BBS9: variants seen among roughly 807,000 people sequenced by gnomAD.
BBS9 encodes the protein protein PTHB1.
A neutral mutation model predicts 117.7 loss-of-function variants in BBS9; 89 were observed. The observed-to-expected ratio is 0.76, with a 90% CI of 0.64 to 0.90. The LOEUF (loss-of-function observed/expected upper bound fraction) is 0.90, where lower values mean the gene tolerates loss of function less well. Ranked by LOEUF, BBS9 falls within the 40% of genes least tolerant of loss-of-function variation. BBS9 has a pLI of 0.00. For missense variants in BBS9, 982 were observed against 1,042.2 expected (o/e 0.94, Z 0.80); for synonymous variants, 379 against 370.9 (o/e 1.02, Z -0.25).
intron 19 of BBS9, among the ~76,000 whole-genome samples, chr7:33,477,796 G>A (rs191164870): frequency 6.6e-6 from 1 of 152,270 alleles, no homozygotes; most frequent in African/African-American, 2.4e-5. Flanking sequence ...GCTTCTAGAA[G>A]GGGTTAACTA....
At chr7:33,512,136 G>A (rs1257265586) in intron 20 of BBS9, among the ~76,000 whole-genome samples, 4 of 152,168 alleles carry the variant, frequency 2.6e-5, no homozygotes, top group Non-Finnish European at 4.4e-5. Context: ...CATACCCTGT[G>A]TTGCTGCTAG....
intron 21 of BBS9, among the ~76,000 whole-genome samples, chr7:33,565,629 G>A (rs1373804983): frequency 6.6e-6 from 1 of 151,342 alleles, no homozygotes; most frequent in East Asian, 1.9e-4. Context: ...TGTGGGTATT[G>A]TCTTGCCAGT....
chr7:33,207,218 C>A (rs1380196316), intron 5 of BBS9, among the ~76,000 whole-genome samples: 1 of 152,096 alleles, frequency 6.6e-6, no homozygotes, highest in Non-Finnish European at 1.5e-5. Flanking sequence ...TGCTTTTCAT[C>A]AACATTCCCC....
rs1245076298 is a variant in BBS9 at position 33,512,422 on chromosome 7, CAAAT to C, written c.2298+6781_2298+6784del. On this transcript the variant is annotated intron_variant, in intron 20 of 22. Transcript: ENST00000242067. ...TTTTAAAATAAGGAGACTAAAAAAA[CAAAT>C]AAAGAATTAATTGAAGCATCACTTT... Among the ~76,000 whole-genome samples, 73 of 152,114 alleles carry C rather than the reference CAAAT, an allele frequency of 4.8e-4. 1 individual carries two copies. The highest frequency in any genetic ancestry group is 2.1e-4 in the South Asian group (1 of 4,824).
At chr7:33,224,704 A>C (rs912848927) in intron 5 of BBS9, among the ~76,000 whole-genome samples, 1 of 152,134 alleles carries the variant, frequency 6.6e-6, no homozygotes, top group African/African-American at 2.4e-5. Context: ...GCATCCCCAC[A>C]GTGTCTTGTA....
At chr7:33,183,129 C>T (rs1166467840) in intron 5 of BBS9, among the ~76,000 whole-genome samples, 1 of 152,106 alleles carries the variant, frequency 6.6e-6, no homozygotes, top group East Asian at 1.9e-4. Context: ...CTAATACCCC[C>T]AAAAGTAAAA....
rs1398754551 is a variant in BBS9 at position 33,540,382 on chromosome 7, A to G, written c.2521+6206A>G. 1.4e-4 allele frequency among the ~76,000 whole-genome samples: 22 copies of G among 152,228 alleles called. 1 individual carries two copies. The highest frequency in any genetic ancestry group is 1.5e-5 in the Non-Finnish European group (1 of 68,036). On this transcript the variant is annotated intron_variant, in intron 21 of 22. Coordinates refer to ENST00000242067, the MANE Select transcript of BBS9 (RefSeq NM_198428.3). ...GGAAGCAGGATAGGCCTTTCTATGTAAGTTAGCAGAGGCAATAAACAGAAG... is the reference window on the plus strand; with the variant it reads ...GGAAGCAGGATAGGCCTTTCTATGTGAGTTAGCAGAGGCAATAAACAGAAG...
At chr7:33,590,459 G>GTTTTTTTGTTTTTGTTTTTT (rs1554551689) in intron 21 of BBS9, among the ~76,000 whole-genome samples, 9 of 101,506 alleles carry the variant, frequency 8.9e-5, no homozygotes, top group African/African-American at 2.8e-4. Flanking sequence ...TTGTTTTTTT[G>GTTTTTTTGTTTTTGTTTTTT]TTTTTTTTTT....
chr7:33,441,365 C>T (rs1836154977), intron 19 of BBS9, among the ~76,000 whole-genome samples: 1 of 152,064 alleles, frequency 6.6e-6, no homozygotes, highest in Non-Finnish European at 1.5e-5. Context: ...AGGGCTCAGA[C>T]AGAGCAGGAT....
chr7:33,349,231 T>C, intron 13 of BBS9, 61 bp downstream of exon 13: 1 of 1,178,956 alleles, frequency 8.5e-7, no homozygotes, highest in Non-Finnish European at 1.3e-6. Flanking sequence ...AATACTAGTT[T>C]GTTCATTTAA....
intron 5 of BBS9, among the ~76,000 whole-genome samples, chr7:33,250,404 C>CT (rs758860094): frequency 1.3e-5 from 2 of 152,146 alleles, no homozygotes; most frequent in Non-Finnish European, 2.9e-5. Context: ...GGTAAAGACT[C>CT]TTTGAGTATG....
At chr7:33,205,906 A>G (rs1786821075) in intron 5 of BBS9, among the ~76,000 whole-genome samples, 1 of 152,134 alleles carries the variant, frequency 6.6e-6, no homozygotes, top group Non-Finnish European at 1.5e-5. Context: ...TAAGTATTTA[A>G]TTAAAGCAGA....
intron 4 of BBS9, among the ~76,000 whole-genome samples, chr7:33,163,146 T>G (rs1795126437): frequency 1.3e-5 from 2 of 152,224 alleles, no homozygotes; most frequent in African/African-American, 4.8e-5. Context: ...GATTTGCATA[T>G]GTTAAACCAG....
intron 9 of BBS9, among the ~76,000 whole-genome samples, chr7:33,294,286 CTATCATCTATCTATCTATCTATCTATCT>C (rs1468281066): frequency 1.3e-5 from 2 of 149,184 alleles, no homozygotes; most frequent in African/African-American, 5.0e-5. Flanking sequence ...TTCCATCTAT[CTATCATCTATCTATCTATCTATCTATCT>C]ATCTATCTAT....
chr7:33,393,515 C>T (rs1334987932), intron 19 of BBS9, among the ~76,000 whole-genome samples: 3 of 152,096 alleles, frequency 2.0e-5, no homozygotes, highest in African/African-American at 7.2e-5. Flanking sequence ...CTGGTCCTGG[C>T]CCTGTTAGGA....
At chr7:33,487,381 A>T (rs1226117334) in intron 19 of BBS9, among the ~76,000 whole-genome samples, 1 of 152,224 alleles carries the variant, frequency 6.6e-6, no homozygotes, top group Non-Finnish European at 1.5e-5. Context: ...TTATGCTTCT[A>T]GTGTAATGAT....
At position 33,303,526 on chromosome 7, in the gene BBS9, C is replaced by CCCT. The variant is rs1554406624; in HGVS notation, c.1016+29572_1016+29573insTCC. Reference sequence around the variant, plus strand: ...GTATCAACTGAAATGATCCCCTCCCCCCGCCCCTTCTTTCTTTGGTCTCCC... The same window carrying CCCT: ...GTATCAACTGAAATGATCCCCTCCCCCCTCCGCCCCTTCTTTCTTTGGTCTCCC... On this transcript the variant is annotated intron_variant, in intron 9 of 22. Transcript: ENST00000242067. Among the ~76,000 whole-genome samples the CCCT allele has an allele frequency of 6.9e-5, 8 of 115,544 alleles. No homozygotes were observed. The South Asian group carries it at 2.1e-3, about 31-fold the overall frequency. 75.8% of individuals were successfully genotyped at this position (115,544 alleles called of 152,430 possible).
intron 21 of BBS9, among the ~76,000 whole-genome samples, chr7:33,615,905 T>C (rs752062323): frequency 5.3e-5 from 8 of 152,000 alleles, no homozygotes; most frequent in Non-Finnish European, 7.4e-5. Context: ...AAGTATTTAG[T>C]GCTGAAAGAA....
intron 20 of BBS9, among the ~76,000 whole-genome samples, chr7:33,516,442 T>C (rs983728704): frequency 5.2e-5 from 7 of 135,608 alleles, no homozygotes; most frequent in Non-Finnish European, 1.1e-4. Flanking sequence ...TGAGCTAAAA[T>C]TGCACCACTG....
Sources: gnomAD v4.1 joint callset for allele counts (sites outside exome capture counted in the v4.1 genomes callset) on GRCh38, gnomAD v4.1.1 for gene constraint, MANE v1.5 for transcripts, NCBI Gene and HGNC (gene_info 2026-07-23, HGNC 2026-07-21) for gene names.